CPQ: variants seen among roughly 807,000 people sequenced by gnomAD.
The protein encoded by CPQ is carboxypeptidase Q.
In CPQ, 37 loss-of-function variants were observed where a neutral mutation model predicts 45.7. That is an observed-to-expected ratio of 0.81 (90% CI 0.62 to 1.07). The LOEUF (loss-of-function observed/expected upper bound fraction) is 1.07, where lower values mean the gene tolerates loss of function less well. CPQ is among the 50% of genes least tolerant of loss of function. The pLI, the probability that CPQ is intolerant of heterozygous loss-of-function variation, is 0.00. For missense variants in CPQ, 537 were observed against 572.9 expected (o/e 0.94, Z 0.64); for synonymous variants, 186 against 205.8 (o/e 0.90, Z 0.82).
intron 5 of CPQ, among the ~76,000 whole-genome samples, chr8:96,979,660 G>A (rs1309664027): frequency 2.0e-5 from 3 of 152,084 alleles, no homozygotes; most frequent in Admixed American, 6.5e-5. Context: ...GGACCTTTAT[G>A]GTTAACTGGG....
intron 1 of CPQ, among the ~76,000 whole-genome samples, chr8:96,682,013 A>G (rs748748987): frequency 1.3e-5 from 2 of 152,214 alleles, no homozygotes; most frequent in Non-Finnish European, 2.9e-5. Context: ...TTTTGATTTT[A>G]CAGGCTCATA....
rs1347958812 is a variant in CPQ, at chr8:96,953,721, A to G, written c.850-12214A>G. Among the ~76,000 whole-genome samples the G allele has an allele frequency of 2.6e-5, 4 of 152,226 alleles. No individual in the cohort carries two copies. In the East Asian group the frequency reaches 7.7e-4, roughly 29 times the overall value. On this transcript the variant is annotated intron_variant, in intron 4 of 7. Transcript: ENST00000220763. ...TTTTATTTTTATCAATGAACCTTAAAATCTTTAAAAACATTTTCCCATGAC... is the reference window on the plus strand; with the variant it reads ...TTTTATTTTTATCAATGAACCTTAAGATCTTTAAAAACATTTTCCCATGAC...
chr8:96,996,121 A>T (rs1351667646), intron 5 of CPQ, among the ~76,000 whole-genome samples: 1 of 152,028 alleles, frequency 6.6e-6, no homozygotes, highest in Non-Finnish European at 1.5e-5. Flanking sequence ...AGAAGATGAG[A>T]ACAGAAATGA....
At chr8:96,675,431 A>G (rs1046943775) in intron 1 of CPQ, among the ~76,000 whole-genome samples, 2 of 152,022 alleles carry the variant, frequency 1.3e-5, no homozygotes, top group Non-Finnish European at 2.9e-5. Context: ...TTGGTACGTT[A>G]CATGTACCAA....
At position 96,881,292 on chromosome 8, in the gene CPQ, C is replaced by A. The variant is rs188809035; in HGVS notation, c.849+1287C>A. Among the ~76,000 whole-genome samples the A allele has an allele frequency of 8.5e-5, 13 of 152,204 alleles. No individual in the cohort carries two copies. The East Asian group carries it at 2.5e-3, about 29-fold the overall frequency. On this transcript the variant is annotated intron_variant, in intron 4 of 7. Transcript: ENST00000220763. ...GCGGCATCTGCTTCTGGGAAGGCTTCACAGAGCATTCAATCATGGCAGAAG... is the reference window on the plus strand; with the variant it reads ...GCGGCATCTGCTTCTGGGAAGGCTTAACAGAGCATTCAATCATGGCAGAAG...
intron 5 of CPQ, among the ~76,000 whole-genome samples, chr8:97,009,879 A>G (rs1809453526): frequency 6.6e-6 from 1 of 152,166 alleles, no homozygotes; most frequent in African/African-American, 2.4e-5. Context: ...TGTGATTTCT[A>G]TAAGTAACAG....
intron 1 of CPQ, among the ~76,000 whole-genome samples, chr8:96,658,056 T>C (rs1815658151): frequency 6.6e-6 from 1 of 152,220 alleles, no homozygotes; most frequent in Non-Finnish European, 1.5e-5. Flanking sequence ...AAATTTACCA[T>C]CTAAAACACC....
chr8:96,935,994 A>G (rs767831423), intron 4 of CPQ, among the ~76,000 whole-genome samples: 1 of 151,982 alleles, frequency 6.6e-6, no homozygotes, highest in African/African-American at 2.4e-5. Flanking sequence ...GAACATAACC[A>G]ATGTCTTATG....
chr8:96,878,471 T>A (rs1205302437), intron 3 of CPQ, among the ~76,000 whole-genome samples: 5 of 152,184 alleles, frequency 3.3e-5, no homozygotes, highest in Non-Finnish European at 7.4e-5. Flanking sequence ...GAAATGGTAT[T>A]ATTATCACTT....
intron 1 of CPQ, among the ~76,000 whole-genome samples, chr8:96,778,089 T>C (rs546099321): frequency 3.8e-4 from 58 of 151,952 alleles, no homozygotes; most frequent in African/African-American, 1.3e-3. Flanking sequence ...ATTCTGTCTA[T>C]ATATTTCATT....
At chr8:96,943,829 G>A (rs117134116) in intron 4 of CPQ, among the ~76,000 whole-genome samples, 2,445 of 152,220 alleles carry the variant, frequency 0.016, 30 homozygotes, top group Non-Finnish European at 0.024. Context: ...TTAATTCCAG[G>A]ACTCTTATCG....
intron 4 of CPQ, among the ~76,000 whole-genome samples, chr8:96,962,584 C>A (rs1192719778): frequency 6.6e-6 from 1 of 152,206 alleles, no homozygotes; most frequent in African/African-American, 2.4e-5. Context: ...TTGTCTAACT[C>A]AGATCCAAGT....
chr8:96,903,861 T>C lies in CPQ; in HGVS notation c.849+23856T>C, dbSNP rs993630541. ...AAAAATATGGCATGAGAGCATCTTATTCATTTTGTTCTTATTTGCTCCGAA... is the reference window on the plus strand; with the variant it reads ...AAAAATATGGCATGAGAGCATCTTACTCATTTTGTTCTTATTTGCTCCGAA... On this transcript the variant is annotated intron_variant, in intron 4 of 7. Transcript: ENST00000220763. Among the ~76,000 whole-genome samples, 34 of 152,314 alleles carry C rather than the reference T, an allele frequency of 2.2e-4. 1 individual carries two copies. Among genetic ancestry groups the C allele is most frequent in the Middle Eastern group, 3.4e-3 (1 of 294 alleles).
chr8:97,047,185 T>C (rs912860664), intron 6 of CPQ, among the ~76,000 whole-genome samples: 2 of 152,316 alleles, frequency 1.3e-5, no homozygotes, highest in Non-Finnish European at 1.5e-5. Flanking sequence ...TGCCAGACCA[T>C]GTACTGTTTT....
intron 5 of CPQ, among the ~76,000 whole-genome samples, chr8:97,009,591 C>T (rs574590610): frequency 1.3e-5 from 2 of 152,258 alleles, no homozygotes; most frequent in Non-Finnish European, 1.5e-5. Flanking sequence ...GTTTTTTATT[C>T]TATATATCCT....
chr8:97,137,277 G>T (rs1401631776), intron 7 of CPQ, among the ~76,000 whole-genome samples: 1 of 152,126 alleles, frequency 6.6e-6, no homozygotes, highest in Non-Finnish European at 1.5e-5. Flanking sequence ...GAATTTGGAG[G>T]CTTTGTCTGT....
At chr8:96,863,123 C>T (rs900098982) in intron 3 of CPQ, among the ~76,000 whole-genome samples, 7 of 152,066 alleles carry the variant, frequency 4.6e-5, no homozygotes, top group Admixed American at 6.6e-5. Context: ...CTGATTCTAA[C>T]CAATTCAGAT....
intron 5 of CPQ, among the ~76,000 whole-genome samples, chr8:97,015,418 A>T (rs565445993): frequency 2.9e-4 from 40 of 139,308 alleles, no homozygotes; most frequent in African/African-American, 1.0e-3. Flanking sequence ...AATTTAAATT[A>T]AAAAAAAAAA....
chr8:97,004,958 A>C (rs1809354497), intron 5 of CPQ, among the ~76,000 whole-genome samples: 1 of 152,180 alleles, frequency 6.6e-6, no homozygotes, highest in Non-Finnish European at 1.5e-5. Flanking sequence ...TTTAAGAGGG[A>C]AAGAAAATTT....
Sources: gnomAD v4.1 joint callset for allele counts (sites outside exome capture counted in the v4.1 genomes callset) on GRCh38, gnomAD v4.1.1 for gene constraint, MANE v1.5 for transcripts, NCBI Gene and HGNC (gene_info 2026-07-23, HGNC 2026-07-21) for gene names.